Variants in TPRG1 observed in about 807,000 individuals in gnomAD.
TPRG1 encodes the protein tumor protein p63-regulated gene 1 protein.
Under a neutral mutation model 29.3 loss-of-function variants are expected in TPRG1, and 29 were observed. The ratio of observed to expected loss-of-function variants is 0.99; its 90% CI spans 0.74 to 1.35. The LOEUF (loss-of-function observed/expected upper bound fraction) is 1.35, where lower values mean the gene tolerates loss of function less well. TPRG1 is among the 40% of genes most tolerant of loss of function. TPRG1 has a pLI of 0.00. For synonymous variants in TPRG1, 130 were observed against 116.8 expected, an observed-to-expected ratio of 1.11 and a Z score of -0.73; for missense variants, 327 against 335.0, an observed-to-expected ratio of 0.98 and a Z score of 0.19.
At chr3:189,157,216 G>A (rs2108617809) in intron 5 of TPRG1, among the ~76,000 whole-genome samples, 1 of 152,276 alleles carries the variant, frequency 6.6e-6, no homozygotes, top group Non-Finnish European at 1.5e-5. Flanking sequence ...CGAGCATTAA[G>A]CCATCCAGAT....
At chr3:189,299,179 C>T (rs1448343912) in intron 4 of TPRG1, among the ~76,000 whole-genome samples, 1 of 151,860 alleles carries the variant, frequency 6.6e-6, no homozygotes, top group East Asian at 1.9e-4. Context: ...TTACACAAAC[C>T]TGAGGCCAGT....
intron 1 of TPRG1, among the ~76,000 whole-genome samples, chr3:189,197,768 C>A (rs1406567581): frequency 1.3e-5 from 2 of 152,170 alleles, no homozygotes; most frequent in African/African-American, 4.8e-5. Flanking sequence ...GGATATGTTT[C>A]TAACCAAAAC....
In TPRG1 at chr3:189,322,170, T is replaced by A. The variant is rs528016989; in HGVS notation, c.*1350T>A. On this transcript the variant is annotated 3_prime_UTR_variant, in exon 6 of 6. Coordinates refer to ENST00000345063, the MANE Select transcript of TPRG1 (RefSeq NM_198485.4). ...TTTCCCAAGACTCAAAATTGACACA[T>A]CTTTGTTGATGTTTAAGTTGAAATT... 8 of 152,170 alleles carry A rather than the reference T, an allele frequency of 5.3e-5. No homozygotes were observed. Among genetic ancestry groups the A allele is most frequent in the African/African-American group, 1.9e-4 (8 of 41,550 alleles). The allele number at this position is 152,170 out of a possible 1,614,324, so 9.4% of individuals were successfully genotyped here.
At chr3:189,258,831 A>G (rs1330890631) in intron 4 of TPRG1, among the ~76,000 whole-genome samples, 1 of 152,128 alleles carries the variant, frequency 6.6e-6, no homozygotes, top group African/African-American at 2.4e-5. Flanking sequence ...CTCAAGCCTT[A>G]GTAATGGTGG....
chr3:189,125,498 C>A (rs2360223), intron 1 of TPRG1, among the ~76,000 whole-genome samples: 63,958 of 152,008 alleles, frequency 0.42, 17,864 homozygotes, highest in African/African-American at 0.78. Context: ...CTGATTAATT[C>A]CTCTTTCTCT....
chr3:189,235,217 CTTTTTTT>C (rs34934049), intron 3 of TPRG1, among the ~76,000 whole-genome samples: 19 of 129,694 alleles, frequency 1.5e-4, no homozygotes, highest in Admixed American at 4.0e-4. Context: ...ATGAGGTTTG[CTTTTTTT>C]TTTTTTTTTT....
At chr3:189,247,344 T>C (rs1217637919) in intron 4 of TPRG1, among the ~76,000 whole-genome samples, 1 of 152,048 alleles carries the variant, frequency 6.6e-6, no homozygotes, top group East Asian at 1.9e-4. Flanking sequence ...TAAGAAATTT[T>C]ATATTTTTAT....
intron 4 of TPRG1, among the ~76,000 whole-genome samples, chr3:189,062,027 G>A (rs138585999): frequency 2.9e-4 from 44 of 152,212 alleles, no homozygotes; most frequent in Non-Finnish European, 5.6e-4. Context: ...CAAAGACATG[G>A]AATCAACTTA....
intron 3 of TPRG1, among the ~76,000 whole-genome samples, chr3:189,137,729 C>T (rs376316779): frequency 2.6e-5 from 4 of 152,140 alleles, no homozygotes; most frequent in East Asian, 3.9e-4. Context: ...GTCTACAACA[C>T]TTTATGCCTG....
At chr3:189,027,218 C>T (rs1285934783) in intron 4 of TPRG1, among the ~76,000 whole-genome samples, 3 of 152,188 alleles carry the variant, frequency 2.0e-5, no homozygotes. Flanking sequence ...GTGTCTACTA[C>T]ATTTGTACCT....
chr3:189,056,468 G>A (rs1309160215), intron 4 of TPRG1, among the ~76,000 whole-genome samples: 1 of 152,054 alleles, frequency 6.6e-6, no homozygotes, highest in Admixed American at 6.6e-5. Flanking sequence ...CAGAGTACAG[G>A]ACCCAATAAA....
At chr3:189,124,540 T>TTGTGTATG (rs75399094) in intron 1 of TPRG1, among the ~76,000 whole-genome samples, 55,803 of 149,872 alleles carry the variant, frequency 0.37, 12,734 homozygotes, top group African/African-American at 0.63. Flanking sequence ...ACAAAGGACT[T>TTGTGTATG]TGTGTGTGTG....
chr3:189,017,372 C>T (rs1339013722), intron 3 of TPRG1, among the ~76,000 whole-genome samples: 1 of 152,116 alleles, frequency 6.6e-6, no homozygotes, highest in Non-Finnish European at 1.5e-5. Context: ...AGTGCTATCC[C>T]TACCTGCTCC....
chr3:189,112,933 A>G (rs994183641), intron 1 of TPRG1, among the ~76,000 whole-genome samples: 76 of 152,256 alleles, frequency 5.0e-4, no homozygotes, highest in African/African-American at 1.6e-3. Context: ...GTAGCTTGAT[A>G]GGGATGGCAT....
At chr3:189,242,947 G>T (rs1740851263) in intron 4 of TPRG1, among the ~76,000 whole-genome samples, 2 of 151,986 alleles carry the variant, frequency 1.3e-5, no homozygotes, top group South Asian at 4.2e-4. Flanking sequence ...GCAGCTGAAG[G>T]CATAAAGTTG....
In TPRG1 at chr3:189,074,014, T is replaced by A. The variant is rs999177203; in HGVS notation, c.-463+50068T>A. On this transcript the variant is annotated intron_variant, in intron 4 of 10. Coordinates refer to the TPRG1 transcript ENST00000433971. ...AACTCCTTTATTAGTTTTTGGAAGC[T>A]ATTGGTGCTGATGAGAAGTCGGCCA... Among the ~76,000 whole-genome samples, 8 of 152,124 alleles carry A rather than the reference T, an allele frequency of 5.3e-5. 1 individual carries two copies. The highest frequency in any genetic ancestry group is 4.6e-4 in the Admixed American group (7 of 15,272).
At chr3:189,112,041 T>C (rs957026263) in intron 1 of TPRG1, among the ~76,000 whole-genome samples, 85 of 152,288 alleles carry the variant, frequency 5.6e-4, no homozygotes, top group African/African-American at 1.9e-3. Flanking sequence ...GCTTTCTTTG[T>C]GTCTATTGAT....
intron 1 of TPRG1, among the ~76,000 whole-genome samples, chr3:189,114,620 C>A (rs1038081064): frequency 6.6e-6 from 1 of 151,920 alleles, no homozygotes; most frequent in Non-Finnish European, 1.5e-5. Flanking sequence ...CCTCTCATGC[C>A]CCCGAATTCC....
intron 4 of TPRG1, among the ~76,000 whole-genome samples, chr3:189,248,451 C>G (rs77842584): frequency 0.091 from 13,726 of 151,066 alleles, 822 homozygotes; most frequent in East Asian, 0.16. Flanking sequence ...TCTTTTTTTT[C>G]TCATTCATTA....
Sources: allele counts gnomAD v4.1 joint callset (sites outside exome capture counted in the v4.1 genomes callset), GRCh38; gene constraint gnomAD v4.1.1; transcripts MANE v1.5; gene names NCBI Gene and HGNC (gene_info 2026-07-23, HGNC 2026-07-21).